Variants in DOCK4 observed in about 807,000 individuals in gnomAD.
DOCK4 encodes dedicator of cytokinesis 4.
A neutral mutation model predicts 268.1 loss-of-function variants in DOCK4; 97 were observed. The observed-to-expected ratio is 0.36, with a 90% CI of 0.31 to 0.43. The LOEUF is 0.43. Ranked by LOEUF, DOCK4 falls within the 20% of genes least tolerant of loss-of-function variation. The pLI is 1.00. For missense variants in DOCK4, 2,145 were observed against 2,455.7 expected (o/e 0.87, Z 2.67); for synonymous variants, 954 against 887.2 (o/e 1.08, Z -1.34).
At chr7:111,729,043 C>A (rs996924263) in intron 52 of DOCK4, among the ~76,000 whole-genome samples, 1 of 152,260 alleles carries the variant, frequency 6.6e-6, no homozygotes, top group East Asian at 1.9e-4. Context: ...ACGCATTGAT[C>A]CTGGACTTCT....
chr7:111,815,641 C>A (rs1185242947), intron 27 of DOCK4, among the ~76,000 whole-genome samples: 1 of 144,692 alleles, frequency 6.9e-6, no homozygotes, highest in African/African-American at 2.6e-5. Flanking sequence ...CCCCCATCCC[C>A]TCCCCTCCCC....
intron 11 of DOCK4, among the ~76,000 whole-genome samples, chr7:111,938,290 A>G (rs1334452928): frequency 6.6e-6 from 1 of 152,218 alleles, no homozygotes; most frequent in Non-Finnish European, 1.5e-5. Context: ...GGAGAGTAGA[A>G]AAATCCATGA....
chr7:111,746,247 G>C, intron 44 of DOCK4, 87 bp downstream of exon 44: 2 of 1,042,498 alleles, frequency 1.9e-6, no homozygotes, highest in Non-Finnish European at 2.9e-6. Flanking sequence ...TTAGACCACT[G>C]ATGCAGGAAA....
chr7:112,022,633 G>A (rs970969045), intron 1 of DOCK4, among the ~76,000 whole-genome samples: 1 of 152,196 alleles, frequency 6.6e-6, no homozygotes, highest in Non-Finnish European at 1.5e-5. Context: ...ACAGGGTTCT[G>A]TGGGAATGGA....
At chr7:112,160,128 C>T (rs1377150522) in intron 1 of DOCK4, among the ~76,000 whole-genome samples, 1 of 152,140 alleles carries the variant, frequency 6.6e-6, no homozygotes, top group Non-Finnish European at 1.5e-5. Context: ...ATAAAGACTA[C>T]TCAACCTGTA....
chr7:112,089,559 G>A (rs946109667), intron 1 of DOCK4, among the ~76,000 whole-genome samples: 2 of 152,136 alleles, frequency 1.3e-5, no homozygotes, highest in South Asian at 2.1e-4. Context: ...ACTAAATTAC[G>A]GTTTGGTGTT....
At chr7:112,171,030 C>A (rs1818040288) in intron 1 of DOCK4, among the ~76,000 whole-genome samples, 1 of 152,202 alleles carries the variant, frequency 6.6e-6, no homozygotes, top group Admixed American at 6.5e-5. Context: ...AACCAGACTT[C>A]TTCGACCAAA....
chr7:111,921,540 C>T (rs1230402126), intron 12 of DOCK4, among the ~76,000 whole-genome samples: 6 of 152,082 alleles, frequency 3.9e-5, no homozygotes, highest in East Asian at 1.9e-4. Context: ...GAATGCACAG[C>T]GATGCAAAAA....
intron 1 of DOCK4, among the ~76,000 whole-genome samples, chr7:112,050,756 T>C (rs990075920): frequency 2.6e-5 from 4 of 152,158 alleles, no homozygotes; most frequent in African/African-American, 9.7e-5. Flanking sequence ...TTAGGAGAAT[T>C]GCTCATTTCA....
In DOCK4 at chr7:111,741,470, A is replaced by G. The variant is rs533300102; in HGVS notation, c.4919+70T>C. 34 of 1,571,002 alleles carry G rather than the reference A, an allele frequency of 2.2e-5. No homozygotes were observed. The South Asian group carries it at 3.8e-4, about 18-fold the overall frequency. On this transcript the variant is annotated intron_variant, in intron 46 of 52. Coordinates refer to ENST00000428084, the MANE Select transcript of DOCK4 (RefSeq NM_001363540.2). ...GTATTTGACAAATTGTGCCATAAAG[A>G]ATGAGAGAACCATTCCAGATCAGCT...
chr7:111,841,796 T>C (rs933029724), intron 25 of DOCK4, among the ~76,000 whole-genome samples: 5 of 152,136 alleles, frequency 3.3e-5, no homozygotes, highest in Non-Finnish European at 7.4e-5. Flanking sequence ...ACAGACCTGA[T>C]TCACTGACTT....
At chr7:111,812,102 A>C (rs1586060055) in intron 27 of DOCK4, among the ~76,000 whole-genome samples, 153 bp from the exon 28 acceptor site, 1 of 152,222 alleles carries the variant, frequency 6.6e-6, no homozygotes, top group Non-Finnish European at 1.5e-5. Context: ...AAAAAGAGAC[A>C]ACAGGTCAAT....
chr7:111,910,618 T>TA (rs1256279951), intron 13 of DOCK4, among the ~76,000 whole-genome samples: 1 of 152,234 alleles, frequency 6.6e-6, no homozygotes. Context: ...CTCACTTTTT[T>TA]AAAGTGGCTA....
intron 1 of DOCK4, among the ~76,000 whole-genome samples, chr7:112,059,442 C>T (rs375792837): frequency 4.6e-5 from 7 of 152,018 alleles, no homozygotes; most frequent in African/African-American, 1.7e-4. Context: ...ACCCCACCCG[C>T]GTTTCCAAAT....
chr7:112,145,461 G>GC (rs1815382497), intron 1 of DOCK4, among the ~76,000 whole-genome samples: 1 of 152,166 alleles, frequency 6.6e-6, no homozygotes, highest in African/African-American at 2.4e-5. Flanking sequence ...TGGGAAAAGG[G>GC]CCGCGGGGCT....
intron 23 of DOCK4, among the ~76,000 whole-genome samples, chr7:111,856,655 T>C (rs1351483268): frequency 6.6e-6 from 1 of 152,186 alleles, no homozygotes; most frequent in African/African-American, 2.4e-5. Context: ...CAGAGCTCCC[T>C]GATGGTGAAC....
intron 1 of DOCK4, among the ~76,000 whole-genome samples, chr7:112,075,988 A>G (rs1190759939): frequency 6.6e-6 from 1 of 152,180 alleles, no homozygotes; most frequent in Non-Finnish European, 1.5e-5. Flanking sequence ...ATAAAAAATT[A>G]GTTTGTCAAA....
intron 1 of DOCK4, among the ~76,000 whole-genome samples, chr7:112,030,865 T>C (rs1056737161): frequency 2.0e-5 from 3 of 152,204 alleles, no homozygotes; most frequent in East Asian, 1.9e-4. Flanking sequence ...TTTTGGGCGA[T>C]TGTCATTTGT....
At chr7:112,018,794 C>T (rs1802082266) in intron 1 of DOCK4, among the ~76,000 whole-genome samples, 1 of 151,458 alleles carries the variant, frequency 6.6e-6, no homozygotes, top group Admixed American at 6.6e-5. Flanking sequence ...ATGAAACTTG[C>T]CAAACAAATG....
Sources: gnomAD v4.1 joint callset for allele counts (sites outside exome capture counted in the v4.1 genomes callset) on GRCh38, gnomAD v4.1.1 for gene constraint, MANE v1.5 for transcripts, NCBI Gene and HGNC (gene_info 2026-07-23, HGNC 2026-07-21) for gene names.